TTLL11: variants seen among roughly 807,000 people sequenced by gnomAD.
TTLL11 encodes the protein tubulin tyrosine ligase like 11.
TTLL11 carries 42 observed loss-of-function variants against 51.7 expected under a neutral mutation model. The observed-to-expected ratio is 0.81, with a 90% CI of 0.64 to 1.05. The LOEUF (loss-of-function observed/expected upper bound fraction) is 1.05. Ranked by LOEUF, TTLL11 falls within the 50% of genes least tolerant of loss-of-function variation. The pLI is 0.00. For missense variants in TTLL11, 799 were observed against 940.4 expected (o/e 0.85, Z 1.97); for synonymous variants, 381 against 383.5 (o/e 0.99, Z 0.08).
At chr9:121,927,900 A>T (rs905665047) in intron 6 of TTLL11, among the ~76,000 whole-genome samples, 1 of 152,164 alleles carries the variant, frequency 6.6e-6, no homozygotes, top group African/African-American at 2.4e-5. Context: ...TGTACATCAC[A>T]TGTTATTTGG....
chr9:122,071,268 T>C (rs1845719911), intron 1 of TTLL11, among the ~76,000 whole-genome samples: 1 of 152,170 alleles, frequency 6.6e-6, no homozygotes, highest in Non-Finnish European at 1.5e-5. Flanking sequence ...CTGAAATATG[T>C]CATTGGTTAC....
chr9:121,907,031 G>A (rs894659522), intron 6 of TTLL11, among the ~76,000 whole-genome samples: 9 of 152,130 alleles, frequency 5.9e-5, no homozygotes, highest in Non-Finnish European at 1.2e-4. Context: ...AACGGTTCTA[G>A]AAGCTCAGGG....
At chr9:121,924,828 G>A (rs893844183) in intron 6 of TTLL11, among the ~76,000 whole-genome samples, 11 of 147,782 alleles carry the variant, frequency 7.4e-5, no homozygotes, top group South Asian at 2.1e-4. Context: ...TCTAAAATTC[G>A]TTCTGGAGAT....
intron 8 of TTLL11, among the ~76,000 whole-genome samples, chr9:121,843,964 C>T (rs553267533): frequency 2.5e-3 from 382 of 152,298 alleles, no homozygotes; most frequent in African/African-American, 8.4e-3. Flanking sequence ...TGTAAGCCAT[C>T]ACACCCAGCC....
At chr9:121,862,054 A>C (rs1838027966) in intron 7 of TTLL11, among the ~76,000 whole-genome samples, 1 of 151,972 alleles carries the variant, frequency 6.6e-6, no homozygotes, top group Non-Finnish European at 1.5e-5. Context: ...TGAGCTTTGG[A>C]TGCTCCACTT....
chr9:122,020,149 T>A (rs1398628387), intron 3 of TTLL11, among the ~76,000 whole-genome samples: 2 of 152,234 alleles, frequency 1.3e-5, no homozygotes. Flanking sequence ...CTTTAGTGAC[T>A]CCACACTGCT....
intron 6 of TTLL11, among the ~76,000 whole-genome samples, chr9:121,923,076 G>A (rs553016233): frequency 6.8e-4 from 104 of 152,238 alleles, no homozygotes; most frequent in Non-Finnish European, 1.2e-3. Context: ...TCACCCTTTG[G>A]GTTAAAGCAA....
rs142122697 is a variant in TTLL11, at chr9:121,825,415, G to A, written c.1841-2536C>T. Among the ~76,000 whole-genome samples, 792 of 152,292 alleles carry A rather than the reference G, an allele frequency of 5.2e-3. 2 individuals carry two copies. Among genetic ancestry groups the A allele is most frequent in the Non-Finnish European group, 7.6e-3 (516 of 68,016 alleles). On this transcript the variant is annotated intron_variant, in intron 8 of 8. Coordinates refer to ENST00000321582, the MANE Select transcript of TTLL11 (RefSeq NM_001139442.2). ...TCCCTGGTCCCTGACAAGATAAGGCGCTTGGGCCAGAATGTTAATCATGGT... is the reference window on the plus strand; with the variant it reads ...TCCCTGGTCCCTGACAAGATAAGGCACTTGGGCCAGAATGTTAATCATGGT...
intron 3 of TTLL11, among the ~76,000 whole-genome samples, chr9:121,992,506 T>C (rs1310241038): frequency 2.0e-5 from 3 of 152,230 alleles, no homozygotes; most frequent in East Asian, 3.9e-4. Context: ...CCGCAGGTGA[T>C]TCTGATGAGC....
At chr9:121,944,322 A>G (rs1841591083) in intron 6 of TTLL11, among the ~76,000 whole-genome samples, 1 of 152,162 alleles carries the variant, frequency 6.6e-6, no homozygotes, top group Non-Finnish European at 1.5e-5. Flanking sequence ...AGCCCGGCCA[A>G]CATGACGAAT....
At chr9:122,072,098 G>A (rs1270200643) in intron 1 of TTLL11, among the ~76,000 whole-genome samples, 1 of 152,182 alleles carries the variant, frequency 6.6e-6, no homozygotes, top group African/African-American at 2.4e-5. Context: ...GTGTAGGCCT[G>A]CATGATGGTA....
rs544169233 is a variant in TTLL11 at position 121,822,564 on chromosome 9, T to C, written c.*23A>G. The C allele has an allele frequency of 1.3e-4, 182 of 1,425,414 alleles. No homozygotes were observed. The African/African-American group carries it at 2.3e-3, about 18-fold the overall frequency. The allele number at this position is 1,425,414 out of a possible 1,614,324, so 88.3% of individuals were successfully genotyped here. ...CCTGAAAGCTGCTCTCGTCTTCCGT[T>C]TTCCAGGAGGACAGAGTGGCCCTCA... On this transcript the variant is annotated 3_prime_UTR_variant, in exon 9 of 9. Transcript: ENST00000321582. This position sits in a 1 kb window ranked among gnomAD's most constrained non-coding sequence, Gnocchi z 5.8.
chr9:121,973,258 C>T (rs1027264809), intron 6 of TTLL11, among the ~76,000 whole-genome samples: 1 of 152,144 alleles, frequency 6.6e-6, no homozygotes, highest in African/African-American at 2.4e-5. Flanking sequence ...TTGTAAATAT[C>T]ATAGAACTGT....
At chr9:121,848,261 A>G (rs1837573507) in intron 8 of TTLL11, among the ~76,000 whole-genome samples, 1 of 152,146 alleles carries the variant, frequency 6.6e-6, no homozygotes, top group African/African-American at 2.4e-5. Context: ...CAATGCGATT[A>G]CTTCCTCAAC....
At position 121,884,104 on chromosome 9, in the gene TTLL11, A is replaced by G. The variant is rs28627393; in HGVS notation, c.1482-13356T>C. Among the ~76,000 whole-genome samples the G allele has an allele frequency of 9.6e-3, 1,463 of 152,320 alleles. 29 individuals are homozygous for G. Among genetic ancestry groups the G allele is most frequent in the African/African-American group, 0.033 (1,392 of 41,576 alleles). Reference sequence around the variant, plus strand: ...ATACAAGATGGCTTAAAAATCCCAGAGATTTGCAGATGCACAGACTGGGGT... The same window carrying G: ...ATACAAGATGGCTTAAAAATCCCAGGGATTTGCAGATGCACAGACTGGGGT... On this transcript the variant is annotated intron_variant, in intron 6 of 8. Transcript: ENST00000321582.
At position 121,989,607 on chromosome 9, in the gene TTLL11, C is replaced by A. The variant is rs1224283316; in HGVS notation, c.857G>T (p.Cys286Phe). 1.9e-6 allele frequency: 3 copies of A among 1,613,996 alleles called. No individual in the cohort carries two copies. The highest frequency in any genetic ancestry group is 8.5e-7 in the Non-Finnish European group (1 of 1,180,006). ...GAGCTTGTCGATAAGGAGAGGTTTG[C>A]AGATGTACTCCTGGACCACCGCTGG... ...SRPAVVQEYI[C>F]KPLLIDKLKF... Residue 286 changes from cysteine (C) to phenylalanine (F), a missense_variant, in exon 4 of 9, where the codon TGC (cysteine) becomes TTC (phenylalanine). Physicochemically the swap from Cys to Phe is radical, Grantham distance 205 (BLOSUM62 -2). Transcript: ENST00000321582. The surrounding 1 kb of genome is among the most constrained non-coding windows in gnomAD (Gnocchi z 4.2).
chr9:121,889,493 T>A (rs1265637180), intron 6 of TTLL11, among the ~76,000 whole-genome samples: 1 of 152,178 alleles, frequency 6.6e-6, no homozygotes, highest in Admixed American at 6.5e-5. Context: ...CTCATAGTTC[T>A]CCACTGAAAC....
intron 8 of TTLL11, among the ~76,000 whole-genome samples, chr9:121,857,328 GC>G (rs1837857967): frequency 6.6e-6 from 1 of 152,208 alleles, no homozygotes; most frequent in Admixed American, 6.5e-5. Context: ...AAGTGAACAA[GC>G]ACTGCTTGGT....
At chr9:121,999,104 A>G (rs1843381987) in intron 3 of TTLL11, among the ~76,000 whole-genome samples, 1 of 152,198 alleles carries the variant, frequency 6.6e-6, no homozygotes, top group South Asian at 2.1e-4. Context: ...CTATCACTGG[A>G]AGAGCCTTAA....
Sources: allele counts gnomAD v4.1 joint callset (sites outside exome capture counted in the v4.1 genomes callset), GRCh38; gene constraint gnomAD v4.1.1; non-coding constraint Gnocchi (gnomAD v3.1); transcripts MANE v1.5; gene names NCBI Gene and HGNC (gene_info 2026-07-23, HGNC 2026-07-21).